The following BAZ2A variants were observed in gnomAD, a reference collection of about 807,000 sequenced individuals.
The protein encoded by BAZ2A is bromodomain adjacent to zinc finger domain 2A.
In BAZ2A, 34 loss-of-function variants were observed where a neutral mutation model predicts 199.9. The observed-to-expected ratio is 0.17, with a 90% confidence interval of 0.13 to 0.23. The LOEUF (loss-of-function observed/expected upper bound fraction) is 0.23. BAZ2A is among the 10% of genes least tolerant of loss of function. The pLI is 1.00. For missense variants in BAZ2A, 2,002 were observed against 2,391.1 expected, an observed-to-expected ratio of 0.84 and a Z score of 3.39; for synonymous variants, 857 against 883.9, an observed-to-expected ratio of 0.97 and a Z score of 0.54.
At chr12:56,638,234 C>T (rs919098509), upstream of BAZ2A, 1 of 1,081,872 alleles carries the variant, frequency 9.2e-7, no homozygotes, top group Non-Finnish European at 1.4e-6. Flanking sequence ...AATATATCTT[C>T]AATCAAGGCT....
At chr12:56,600,912 C>G in intron 22 of BAZ2A, 31 bp downstream of exon 22, 1 of 1,612,386 alleles carries the variant, frequency 6.2e-7, no homozygotes, top group South Asian at 1.1e-5. Flanking sequence ...CTGGGCTCTT[C>G]AGCTCAAGCT....
chr12:56,605,303 G>T lies in BAZ2A; in HGVS notation c.2518C>A (p.Pro840Thr). 1 of 1,612,934 alleles carries T rather than the reference G, an allele frequency of 6.2e-7. No individual in the cohort carries two copies. Among genetic ancestry groups the T allele is most frequent in the Non-Finnish European group, 8.5e-7 (1 of 1,179,208 alleles). ...HQPLPDFSRV[P>T]GLTLPSGAFS... ...GCTCCACTGGGCAATGTCAGACCAG[G>T]GACTCGTGAGAAGTCAGGCAGGGGC... The change falls in exon 14 of 29, where the codon CCT (proline) becomes ACT (threonine). Residue 840 changes from proline to threonine, a missense_variant. This residue lies in a region of BAZ2A where 1,081 missense variants were observed against 1,274.7 expected (regional missense o/e 0.85). Transcript: ENST00000549884.
Position 56,599,142 on chromosome 12 carries a change from G to T in BAZ2A, c.5389C>A (p.Leu1797Ile). The change falls in exon 27 of 29, where the codon CTC becomes ATC. Residue 1797 changes from leucine (L) to isoleucine (I), a missense_variant. Leu to Ile is a conservative substitution (Grantham distance 5). This residue lies in a region of BAZ2A where 122 missense variants were observed against 123.0 expected (regional missense o/e 0.99). Transcript: ENST00000549884. ...RLSMRNHHSD[L>I]TFCEIILMEM... The stretch of plus-strand genomic sequence containing the variant: ...CACTCAACTCACTCGCAAAATGTGA[G>T]ATCACTGTGGTGGTTCCGCATAGAG... The T allele has an allele frequency of 6.2e-7, 1 of 1,611,086 alleles. No homozygotes were observed. The highest frequency in any genetic ancestry group is 8.5e-7 in the Non-Finnish European group (1 of 1,178,620).
chr12:56,617,216 T>C (rs929478972), intron 2 of BAZ2A, among the ~76,000 whole-genome samples, 179 bp downstream of exon 2: 1 of 152,008 alleles, frequency 6.6e-6, no homozygotes, highest in Non-Finnish European at 1.5e-5. Flanking sequence ...AGCCAGTGGG[T>C]TTTTCTAATC....
In BAZ2A at chr12:56,598,517, C is replaced by CTT; in HGVS notation, c.*99_*100dup. The CTT allele has an allele frequency of 7.0e-7, 1 of 1,437,084 alleles. No individual in the cohort carries two copies. The highest frequency in any genetic ancestry group is 9.3e-7 in the Non-Finnish European group (1 of 1,073,140). 89.0% of individuals were successfully genotyped at this position (1,437,084 alleles called of 1,614,324 possible). ...GGTCAAAAATCAGGGTTGTATCTGACTTGAGTCTGGACCCAGGGCAGCATC... is the reference window on the plus strand; with the variant it reads ...GGTCAAAAATCAGGGTTGTATCTGACTTTTGAGTCTGGACCCAGGGCAGCATC... On this transcript the variant is annotated 3_prime_UTR_variant, in exon 29 of 29. Transcript: ENST00000549884.
At chr12:56,620,979 T>G in intron 1 of BAZ2A, 1 of 770,268 alleles carries the variant, frequency 1.3e-6, no homozygotes, top group Non-Finnish European at 1.6e-6. Context: ...CATTCCTTAG[T>G]CTCCAGTTAG....
intron 1 of BAZ2A, among the ~76,000 whole-genome samples, chr12:56,621,458 T>C (rs12321709): frequency 0.042 from 6,408 of 152,076 alleles, 457 homozygotes; most frequent in African/African-American, 0.15. Context: ...CTTTGTGCTA[T>C]GCAATGTGGT....
intron 10 of BAZ2A, among the ~76,000 whole-genome samples, chr12:56,608,202 C>T (rs1950429239): frequency 6.6e-6 from 1 of 151,820 alleles, no homozygotes; most frequent in Admixed American, 6.6e-5. Flanking sequence ...GAAACCCCGT[C>T]TCTACTAAAA....
rs777448339 is a variant in BAZ2A at position 56,605,273 on chromosome 12, A to G, written c.2548T>C (p.Ser850Pro). Residue 850 changes from serine (S) to proline (P), a missense_variant, in exon 14 of 29, where the codon TCA becomes CCA. By Grantham distance (74) the Ser-to-Pro change is moderately conservative. Around this residue, in one of 6 missense-constraint regions of BAZ2A, gnomAD observed 1,081 missense variants for 1,274.7 expected, o/e 0.85. Coordinates refer to ENST00000549884, the MANE Select transcript of BAZ2A (RefSeq NM_001300905.2). ...PGLTLPSGAF[S>P]DCLTIVEFLH... ...AACTCCACAATGGTCAAGCAGTCTG[A>G]GAAGGCTCCACTGGGCAATGTCAGA... The G allele has an allele frequency of 1.2e-6, 2 of 1,613,846 alleles. No individual in the cohort carries two copies. The highest frequency in any genetic ancestry group is 2.2e-5 in the South Asian group (2 of 91,066).
chr12:56,634,965 AGGCGGCGGC>A, upstream of BAZ2A: 3 of 984,764 alleles, frequency 3.0e-6, no homozygotes, highest in South Asian at 4.7e-5. Context: ...GCCGGGCCGC[AGGCGGCGGC>A]GGCGGCGGCA....
chr12:56,603,718 AAG>A lies in BAZ2A; in HGVS notation c.3039-20_3039-19del, dbSNP rs1950252604. 6.2e-7 allele frequency: 1 copy of A among 1,613,576 alleles called. No individual in the cohort carries two copies. The highest frequency in any genetic ancestry group is 1.3e-5 in the African/African-American group (1 of 74,924). ...TTTTCAGCCTTGAAATAGATGGAGA[AAG>A]ATTAAGGGAAGGCCAAGTGTGGTGG... On this transcript the variant is annotated intron_variant, in intron 16 of 28. Transcript: ENST00000549884.
At chr12:56,637,625 T>C (rs1175035437), upstream of BAZ2A, among the ~76,000 whole-genome samples, 1 of 152,208 alleles carries the variant, frequency 6.6e-6, no homozygotes, top group Non-Finnish European at 1.5e-5. Context: ...GTATTCTTCA[T>C]CACTATTTCT....
chr12:56,613,865 T>C lies in BAZ2A; in HGVS notation c.916+88A>G. 5 of 1,408,980 alleles carry C rather than the reference T, an allele frequency of 3.5e-6. No homozygotes were observed. In the Middle Eastern group the frequency reaches 7.4e-4, roughly 208 times the overall value. 87.3% of individuals were successfully genotyped at this position (1,408,980 alleles called of 1,614,324 possible). On this transcript the variant is annotated intron_variant, in intron 4 of 28. Coordinates refer to ENST00000549884, the MANE Select transcript of BAZ2A (RefSeq NM_001300905.2). ...GGAAGCCCCAGTGCCCCTGATTGCC[T>C]AATACTTTTCCCATTTTACTGTCTC...
chr12:56,637,165 TCA>T (rs1450156564), upstream of BAZ2A, among the ~76,000 whole-genome samples: 2 of 152,312 alleles, frequency 1.3e-5, no homozygotes, highest in East Asian at 3.9e-4. Context: ...GAAAATGGGA[TCA>T]GAGTTCTTGC....
intron 2 of BAZ2A, among the ~76,000 whole-genome samples, chr12:56,616,427 T>A (rs566762166): frequency 1.3e-5 from 2 of 152,112 alleles, no homozygotes; most frequent in African/African-American, 4.8e-5. Flanking sequence ...GGGCTAAGAA[T>A]AGAATTTGCA....
Position 56,615,207 on chromosome 12 carries a change from A to C in BAZ2A, c.537T>G (p.Asn179Lys). 6.2e-7 allele frequency: 1 copy of C among 1,613,820 alleles called. No homozygotes were observed. The highest frequency in any genetic ancestry group is 8.5e-7 in the Non-Finnish European group (1 of 1,179,820). The change falls in exon 3 of 29, where the codon AAT becomes AAG. Residue 179 changes from asparagine (N) to lysine (K), a missense_variant. Asn to Lys is a moderately conservative substitution (Grantham distance 94). This residue lies in a region of BAZ2A where 641 missense variants were observed against 694.5 expected (regional missense o/e 0.92). Coordinates refer to ENST00000549884, the MANE Select transcript of BAZ2A (RefSeq NM_001300905.2). Reference protein sequence around the residue: ...FPDQNFEVMPNGPPSFFTSPQ... With the variant: ...FPDQNFEVMPKGPPSFFTSPQ... ...GGGAGGTGAAAAAACTAGGGGGTCCATTGGGCATCACCTCAAAATTCTGGT... is the reference window on the plus strand; with the variant it reads ...GGGAGGTGAAAAAACTAGGGGGTCCCTTGGGCATCACCTCAAAATTCTGGT...
At chr12:56,623,097 G>A (rs1161551774) in intron 1 of BAZ2A, among the ~76,000 whole-genome samples, 2 of 152,078 alleles carry the variant, frequency 1.3e-5, no homozygotes, top group Non-Finnish European at 2.9e-5. Flanking sequence ...TTAGCCAGGC[G>A]TGGTGGCGGG....
rs866687365 is a variant in BAZ2A at position 56,629,988 on chromosome 12, C to T, written c.-3+137G>A. ...AGACCCTCGCCTCGGGTTGGATCCTCGCAGGAAATAAGCTCCCGTCGGCTT... is the reference window on the plus strand; with the variant it reads ...AGACCCTCGCCTCGGGTTGGATCCTTGCAGGAAATAAGCTCCCGTCGGCTT... On this transcript the variant is annotated intron_variant, in intron 1 of 28. Transcript: ENST00000549884. 49 of 633,606 alleles carry T rather than the reference C, an allele frequency of 7.7e-5. No homozygotes were observed. In the South Asian group the frequency reaches 2.3e-3, roughly 30 times the overall value. 39.2% of individuals were successfully genotyped at this position (633,606 alleles called of 1,614,324 possible).
At chr12:56,611,383 C>A in intron 7 of BAZ2A, 190 bp downstream of exon 7, 1 of 637,362 alleles carries the variant, frequency 1.6e-6, no homozygotes, top group Non-Finnish European at 2.7e-6. Flanking sequence ...GGAAGACAGA[C>A]CTTGAGAGAA....
Sources: allele counts gnomAD v4.1 joint callset (sites outside exome capture counted in the v4.1 genomes callset), GRCh38; gene constraint gnomAD v4.1.1; regional missense constraint gnomAD v4.1.1; transcripts MANE v1.5; gene names NCBI Gene and HGNC (gene_info 2026-07-23, HGNC 2026-07-21).